The following ATP2B3 variants were observed in gnomAD, a reference collection of about 807,000 sequenced individuals.
ATP2B3 encodes ATPase plasma membrane Ca2+ transporting 3.
Under a neutral mutation model 70.8 loss-of-function variants are expected in ATP2B3, and 12 were observed. The ratio of observed to expected loss-of-function variants is 0.17; its 90% CI spans 0.11 to 0.27. The LOEUF is 0.27. Ranked by LOEUF, ATP2B3 falls within the 10% of genes least tolerant of loss-of-function variation. ATP2B3 has a pLI of 1.00. For missense variants in ATP2B3, 858 were observed against 1,118.5 expected, an observed-to-expected ratio of 0.77 and a Z score of 3.32; for synonymous variants, 460 against 497.8, an observed-to-expected ratio of 0.92 and a Z score of 1.01.
intron 21 of ATP2B3, among the ~76,000 whole-genome samples, chrX:153,578,243 C>A (rs151106959): frequency 2.7e-5 from 3 of 112,475 alleles, no homozygotes; most frequent in Non-Finnish European, 3.8e-5. Context: ...AATCCTAGGT[C>A]GAACCTTGGC....
At chrX:153,520,756 T>C (rs1165982518) in intron 2 of ATP2B3, among the ~76,000 whole-genome samples, 2 of 112,238 alleles carry the variant, frequency 1.8e-5, no homozygotes, top group African/African-American at 3.2e-5. Context: ...TCTGTGCTTG[T>C]AGCCATTAGT....
chrX:153,568,401 A>G (rs1391628921), intron 21 of ATP2B3, among the ~76,000 whole-genome samples: 3 of 111,223 alleles, frequency 2.7e-5, no homozygotes, highest in Non-Finnish European at 3.8e-5. Flanking sequence ...AGGCCAGACC[A>G]ATGCAAATCT....
intron 7 of ATP2B3, among the ~76,000 whole-genome samples, chrX:153,545,378 A>G (rs782208542): frequency 8.9e-6 from 1 of 112,920 alleles, no homozygotes; most frequent in South Asian, 3.7e-4. Flanking sequence ...TCCCTTTAAA[A>G]CACACACTGG....
At chrX:153,542,880 C>T (rs1267734321) in intron 6 of ATP2B3, among the ~76,000 whole-genome samples, 163 bp from the exon 7 acceptor site, 1 of 113,210 alleles carries the variant, frequency 8.8e-6, no homozygotes, top group African/African-American at 3.2e-5. Context: ...GCCCTGTGGG[C>T]CTCGGGGTCT....
intron 13 of ATP2B3, 124 bp from the exon 14 acceptor site, chrX:153,555,925 T>C: frequency 1.3e-6 from 1 of 769,214 alleles, no homozygotes; most frequent in Non-Finnish European, 1.9e-6. Context: ...GTGAATCGGA[T>C]GGCTTTACTC....
At chrX:153,578,777 A>G (rs5945309) in intron 21 of ATP2B3, among the ~76,000 whole-genome samples, 48,341 of 111,205 alleles carry the variant, frequency 0.43, 7,745 homozygotes, top group East Asian at 0.51. Flanking sequence ...CCCGGGAGGC[A>G]GCAGAGACGC....
At chrX:153,567,917 T>C (rs1394838034) in intron 21 of ATP2B3, among the ~76,000 whole-genome samples, 1 of 112,522 alleles carries the variant, frequency 8.9e-6, no homozygotes, top group Non-Finnish European at 1.9e-5. Context: ...TCTGCTCTCT[T>C]TGATTCGAAA....
At chrX:153,558,485 A>G (rs781835891) in intron 17 of ATP2B3, among the ~76,000 whole-genome samples, 182 bp downstream of exon 17, 25 of 112,567 alleles carry the variant, frequency 2.2e-4, no homozygotes, top group Admixed American at 2.1e-3. Context: ...TAGGACATTC[A>G]CCACGTTGTG....
At chrX:153,531,265 C>G (rs1013796765) in intron 2 of ATP2B3, among the ~76,000 whole-genome samples, 2 of 113,336 alleles carry the variant, frequency 1.8e-5, no homozygotes, top group Admixed American at 9.2e-5. Context: ...TGCCCTCTCC[C>G]CACCTGCTCC....
At chrX:153,574,984 C>T (rs1465951429) in intron 21 of ATP2B3, 1 of 283,058 alleles carries the variant, frequency 3.5e-6, no homozygotes, top group Admixed American at 3.5e-5. Context: ...CAGCACTCAG[C>T]ATGTCTCCTC....
rs2124514421 is a variant in ATP2B3 at position 153,565,040 on chromosome X, C to T, written c.3279C>T (p.Ala1093=). The part of the protein sequence containing the change: ...LAEGEEEIDH[A]ERELRRGQIL... ...AAGGCGAGGAAGAGATCGACCATGCCGAGCGGGAGCTCCGCAGGGGCCAGA... is the reference window on the plus strand; with the variant it reads ...AAGGCGAGGAAGAGATCGACCATGCTGAGCGGGAGCTCCGCAGGGGCCAGA... Residue 1093 remains alanine, a synonymous_variant, in exon 21 of 22, where the codon GCC becomes GCT. Transcript: ENST00000263519. The T allele has an allele frequency of 8.3e-7, 1 of 1,200,730 alleles. No homozygotes were observed. The highest frequency in any genetic ancestry group is 1.1e-6 in the Non-Finnish European group (1 of 889,787).
At position 153,542,362 on chromosome X, in the gene ATP2B3, A is replaced by G; in HGVS notation, c.704A>G (p.Asn235Ser). 1 of 1,211,644 alleles carries G rather than the reference A, an allele frequency of 8.3e-7. No homozygotes were observed. Among genetic ancestry groups the G allele is most frequent in the Non-Finnish European group, 1.1e-6 (1 of 895,516 alleles). ...GCCGACGGCGTGCTCATCCAGGCCA[A>G]TGACCTCAAGATCGACGAGAGCTCC... ...LPADGVLIQA[N>S]DLKIDESSLT... The change falls in exon 6 of 22, where the codon AAT (asparagine) becomes AGT (serine). Residue 235 changes from asparagine (N) to serine (S), a missense_variant. Asn to Ser is a conservative substitution (Grantham distance 46, BLOSUM62 1). This residue lies in a region of ATP2B3 where 278 missense variants were observed against 366.2 expected (regional missense o/e 0.76). Coordinates refer to ENST00000263519, the MANE Select transcript of ATP2B3 (RefSeq NM_001001344.3).
intron 2 of ATP2B3, among the ~76,000 whole-genome samples, chrX:153,519,686 G>A (rs1450855643): frequency 8.9e-6 from 1 of 112,838 alleles, no homozygotes; most frequent in Non-Finnish European, 1.9e-5. Context: ...ACTGCTGCAG[G>A]CCCCGAGGCG....
Position 153,536,159 on chromosome X carries a change from C to T in ATP2B3, c.-89C>T. On this transcript the variant is annotated 5_prime_UTR_variant, in exon 3 of 22. Transcript: ENST00000263519. ...AGCAGCTTTCTCACCGCCGCCAAAC[C>T]TTGCCTGGGCACTGGGACCGTGGGT... 1.9e-6 allele frequency: 2 copies of T among 1,064,654 alleles called. No homozygotes were observed. The highest frequency in any genetic ancestry group is 4.0e-5 in the South Asian group (2 of 50,276). 87.7% of individuals were successfully genotyped at this position (1,064,654 alleles called of 1,213,427 possible). A position where few individuals can be genotyped will look rare whatever the true frequency, so the allele number is the denominator to read the frequency against.
intron 2 of ATP2B3, among the ~76,000 whole-genome samples, chrX:153,533,730 C>T (rs1202595213): frequency 9.0e-6 from 1 of 111,307 alleles, no homozygotes; most frequent in Admixed American, 9.4e-5. Flanking sequence ...AGGACTGCCT[C>T]CTTGCCCACT....
rs2124563115 is a variant in ATP2B3 at position 153,582,355 on chromosome X, T to A, written c.*2057T>A. ...ATTTGTAAACTGTTCCCTGATGTCC[T>A]TGTTTAAACGATAATAAGAAAAAGG... On this transcript the variant is annotated 3_prime_UTR_variant, in exon 22 of 22. Coordinates refer to ENST00000263519, the MANE Select transcript of ATP2B3 (RefSeq NM_001001344.3). The A allele has an allele frequency of 8.8e-6, 1 of 113,043 alleles. No individual in the cohort carries two copies. Among genetic ancestry groups the A allele is most frequent in the Admixed American group, 9.3e-5 (1 of 10,710 alleles). The allele number at this position is 113,043 out of a possible 1,213,427, so 9.3% of individuals were successfully genotyped here.
At position 153,546,416 on chromosome X, in the gene ATP2B3, C is replaced by G. The variant is rs1012895128; in HGVS notation, c.958+287C>G. ...CATAAGGATCACCTGTGAGTGGGCG[C>G]CCCGAGTCCACTCTGGCCAGATGAG... On this transcript the variant is annotated intron_variant, in intron 8 of 21. Transcript: ENST00000263519. Among the ~76,000 whole-genome samples, 21 of 112,815 alleles carry G rather than the reference C, an allele frequency of 1.9e-4. 1 individual carries two copies. Among genetic ancestry groups the G allele is most frequent in the Admixed American group, 1.9e-3 (20 of 10,810 alleles).
intron 20 of ATP2B3, among the ~76,000 whole-genome samples, chrX:153,564,491 C>T (rs1271691396): frequency 8.9e-6 from 1 of 112,826 alleles, no homozygotes; most frequent in African/African-American, 3.2e-5. Flanking sequence ...AGGGGCTTAG[C>T]GATCCCTCCC....
chrX:153,567,023 A>G (rs1557018360), intron 21 of ATP2B3, among the ~76,000 whole-genome samples: 2 of 112,459 alleles, frequency 1.8e-5, no homozygotes, highest in Non-Finnish European at 3.8e-5. Flanking sequence ...CTGGCATCCT[A>G]GGCACCGAAC....
Sources: gnomAD v4.1 joint callset for allele counts (sites outside exome capture counted in the v4.1 genomes callset) on GRCh38, gnomAD v4.1.1 for gene constraint, gnomAD v4.1.1 regional missense constraint, MANE v1.5 for transcripts, NCBI Gene and HGNC (gene_info 2026-07-23, HGNC 2026-07-21) for gene names.